CTBP2: variants seen among roughly 807,000 people sequenced by gnomAD.
CTBP2 encodes the protein C-terminal-binding protein 2.
Under a neutral mutation model 80.3 loss-of-function variants are expected in CTBP2, and 30 were observed. The ratio of observed to expected loss-of-function variants is 0.37; its 90% CI spans 0.28 to 0.51. The LOEUF is 0.51. Among genes scored for constraint, CTBP2 ranks in the 20% least tolerant of loss-of-function variants. The pLI, the probability that CTBP2 is intolerant of heterozygous loss-of-function variation, is 0.93. For missense variants in CTBP2, 1,212 were observed against 1,375.3 expected (o/e 0.88, Z 1.88); for synonymous variants, 594 against 587.4 (o/e 1.01, Z -0.16).
intron 2 of CTBP2, among the ~76,000 whole-genome samples, chr10:125,055,254 G>C (rs1182392067): frequency 1.3e-5 from 2 of 152,174 alleles, no homozygotes; most frequent in Non-Finnish European, 2.9e-5. Context: ...CTGCACAGAG[G>C]TTCAGGGCAC....
chr10:125,153,431 A>G (rs1860359301), intron 1 of CTBP2, among the ~76,000 whole-genome samples: 1 of 152,164 alleles, frequency 6.6e-6, no homozygotes, highest in African/African-American at 2.4e-5. Context: ...GCACTTCTAG[A>G]CTGCACGAAA....
At chr10:125,107,154 C>T (rs1851586753) in intron 2 of CTBP2, among the ~76,000 whole-genome samples, 1 of 152,248 alleles carries the variant, frequency 6.6e-6, no homozygotes, top group Non-Finnish European at 1.5e-5. Context: ...GGCCCCTCCT[C>T]CCCTACTCCG....
chr10:125,048,282 C>A (rs1961767154), intron 2 of CTBP2, among the ~76,000 whole-genome samples: 1 of 152,148 alleles, frequency 6.6e-6, no homozygotes, highest in South Asian at 2.1e-4. Flanking sequence ...CATGGCCTTC[C>A]AGAGGCTGCA....
intron 1 of CTBP2, among the ~76,000 whole-genome samples, chr10:125,014,951 G>A (rs1441789159): frequency 6.6e-6 from 1 of 152,200 alleles, no homozygotes; most frequent in Non-Finnish European, 1.5e-5. Context: ...CAAGAAAAGT[G>A]AGCGTTCGTC....
At chr10:125,090,818 C>T (rs1330565184) in intron 2 of CTBP2, among the ~76,000 whole-genome samples, 1 of 151,882 alleles carries the variant, frequency 6.6e-6, no homozygotes, top group African/African-American at 2.4e-5. Flanking sequence ...GGGAAAATAA[C>T]CAACCACACT....
At chr10:125,022,064 C>A (rs952468305) in intron 1 of CTBP2, among the ~76,000 whole-genome samples, 2 of 152,248 alleles carry the variant, frequency 1.3e-5, no homozygotes, top group African/African-American at 4.8e-5. Flanking sequence ...ACCAGTCAGG[C>A]CCTTAGCTGC....
intron 1 of CTBP2, among the ~76,000 whole-genome samples, chr10:125,124,833 A>T (rs1345392672): frequency 6.6e-6 from 1 of 152,254 alleles, no homozygotes; most frequent in East Asian, 1.9e-4. Flanking sequence ...GATCTTTTAA[A>T]TGTCACATAC....
chr10:125,088,312 G>A (rs1189240023), intron 2 of CTBP2: 2 of 152,244 alleles, frequency 1.3e-5, no homozygotes, highest in Admixed American at 6.5e-5. Context: ...GGACCGCTGT[G>A]GGGGATTCTA....
intron 1 of CTBP2, among the ~76,000 whole-genome samples, chr10:125,132,352 T>C (rs1469514402): frequency 6.6e-6 from 1 of 152,068 alleles, no homozygotes; most frequent in Non-Finnish European, 1.5e-5. Flanking sequence ...ATGACACAAC[T>C]TGAGTCCAGA....
At chr10:125,004,347 C>T (rs530185746) in intron 1 of CTBP2, among the ~76,000 whole-genome samples, 1 of 152,330 alleles carries the variant, frequency 6.6e-6, no homozygotes, top group South Asian at 2.1e-4. Flanking sequence ...CGGGGCCCGC[C>T]CAGGATGCAG....
At position 125,113,301 on chromosome 10, in the gene CTBP2, C is replaced by G. The variant is rs142661400; in HGVS notation, c.-205-2208G>C. On this transcript the variant is annotated intron_variant, in intron 1 of 10. Transcript: ENST00000337195. ...GCAAACTCCTATCCACCCTTCAAAA[C>G]CCATCTCACAGGTTATCTTCTTTAA... Among the ~76,000 whole-genome samples, 7 of 152,320 alleles carry G rather than the reference C, an allele frequency of 4.6e-5. No individual in the cohort carries two copies. In the East Asian group the frequency reaches 1.3e-3, roughly 29 times the overall value.
intron 2 of CTBP2, among the ~76,000 whole-genome samples, chr10:125,044,133 C>G (rs1221856241): frequency 2.6e-5 from 4 of 152,182 alleles, no homozygotes; most frequent in Non-Finnish European, 5.9e-5. Context: ...TGCACAAGGT[C>G]CACCACCCTT....
chr10:125,106,409 C>T (rs1002864981), intron 2 of CTBP2, among the ~76,000 whole-genome samples: 9 of 152,148 alleles, frequency 5.9e-5, no homozygotes, highest in African/African-American at 1.9e-4. Context: ...GCAAGGGACG[C>T]GGGGCGACCT....
In CTBP2 at chr10:125,066,292, CAG is replaced by C. The variant is rs1006443925; in HGVS notation, c.-101-27139_-101-27138del. Among the ~76,000 whole-genome samples the C allele has an allele frequency of 3.9e-5, 6 of 152,106 alleles. No individual in the cohort carries two copies. The highest frequency in any genetic ancestry group is 1.4e-4 in the African/African-American group (6 of 41,424). ...TCCCAAATCCTAACCCCAGCAGAGCCAGAGACTCAATGCTTTGTGTCACATGG... is the reference window on the plus strand; with the variant it reads ...TCCCAAATCCTAACCCCAGCAGAGCCAGACTCAATGCTTTGTGTCACATGG... On this transcript the variant is annotated intron_variant, in intron 2 of 10. Transcript: ENST00000337195. The surrounding 1 kb of genome is among the most constrained non-coding windows in gnomAD (Gnocchi z 4.1).
At chr10:125,070,486 A>G (rs1269927381) in intron 2 of CTBP2, among the ~76,000 whole-genome samples, 2 of 151,792 alleles carry the variant, frequency 1.3e-5, no homozygotes, top group Non-Finnish European at 2.9e-5. Flanking sequence ...GAGTCCAGAA[A>G]CTACAGACTT....
chr10:125,098,058 T>C (rs1849820763), intron 2 of CTBP2, among the ~76,000 whole-genome samples: 1 of 151,944 alleles, frequency 6.6e-6, no homozygotes. Context: ...GAGGCGGAGA[T>C]CGCAGTGAAC....
chr10:125,080,998 G>A (rs1847093318), intron 2 of CTBP2, among the ~76,000 whole-genome samples: 1 of 151,112 alleles, frequency 6.6e-6, no homozygotes, highest in Admixed American at 6.6e-5. Flanking sequence ...TTACAGTGGA[G>A]AAAGACGGAC....
chr10:125,002,919 C>G (rs774960418), intron 3 of CTBP2, 41 bp downstream of exon 5: 19 of 1,606,960 alleles, frequency 1.2e-5, no homozygotes, highest in Non-Finnish European at 1.5e-5. Flanking sequence ...GCCCACAGAG[C>G]TCCGGACAAC....
intron 2 of CTBP2, among the ~76,000 whole-genome samples, chr10:125,065,968 G>T (rs142005044): frequency 5.7e-4 from 86 of 151,990 alleles, no homozygotes; most frequent in Middle Eastern, 3.4e-3. Context: ...TGGCTTGGTG[G>T]CATGCGCCTG....
Sources: allele counts gnomAD v4.1 joint callset (sites outside exome capture counted in the v4.1 genomes callset), GRCh38; gene constraint gnomAD v4.1.1; non-coding constraint Gnocchi (gnomAD v3.1); transcripts MANE v1.5; gene names NCBI Gene and HGNC (gene_info 2026-07-23, HGNC 2026-07-21).